The following GPD2 variants were observed in gnomAD, a reference collection of about 807,000 sequenced individuals.
GPD2 encodes the protein glycerol-3-phosphate dehydrogenase 2.
In GPD2, 54 loss-of-function variants were observed where a neutral mutation model predicts 82.4. That is an observed-to-expected ratio of 0.66 (90% CI 0.53 to 0.82). GPD2 has a LOEUF of 0.82. GPD2 is among the 40% of genes least tolerant of loss of function. GPD2 has a pLI of 0.00. For missense variants in GPD2, 748 were observed against 896.2 expected (o/e 0.83, Z 2.11); for synonymous variants, 288 against 306.1 (o/e 0.94, Z 0.62).
At chr2:156,559,721 C>A (rs1196042845) in intron 9 of GPD2, among the ~76,000 whole-genome samples, 3 of 152,122 alleles carry the variant, frequency 2.0e-5, no homozygotes, top group African/African-American at 7.2e-5. Context: ...ATAAAAGATA[C>A]TAAATACATA....
chr2:156,516,016 T>C (rs1481205778), intron 6 of GPD2, among the ~76,000 whole-genome samples: 1 of 152,194 alleles, frequency 6.6e-6, no homozygotes, highest in Admixed American at 6.5e-5. Flanking sequence ...AAATCCATGC[T>C]CAACAAAAGG....
chr2:156,453,084 A>G (rs903596142), intron 1 of GPD2, among the ~76,000 whole-genome samples: 2 of 152,200 alleles, frequency 1.3e-5, no homozygotes, highest in African/African-American at 4.8e-5. Flanking sequence ...TGGATTGCAC[A>G]TTAATGATTT....
chr2:156,417,992 G>A, the GPD2 span, among the ~76,000 whole-genome samples: 10 of 152,078 alleles, frequency 6.6e-5, no homozygotes, highest in Non-Finnish European at 1.2e-4. Context: ...CGAGGTGGGC[G>A]GATCACGAGG....
rs1199585707 is a variant in GPD2 at position 156,474,974 on chromosome 2, A to C, written c.-8-1124A>C. 2.6e-5 allele frequency among the ~76,000 whole-genome samples: 4 copies of C among 151,980 alleles called. No homozygotes were observed. The South Asian group carries it at 8.3e-4, about 32-fold the overall frequency. On this transcript the variant is annotated intron_variant, in intron 1 of 16. Coordinates refer to ENST00000438166, the MANE Select transcript of GPD2 (RefSeq NM_000408.5). The stretch of plus-strand genomic sequence containing the variant: ...AAAGAAGAAGAAAGAAAGAAAAAAA[A>C]ATAGCCATGCATGGCGGCATGCACT...
At chr2:156,543,501 A>T (rs1288057106) in intron 6 of GPD2, among the ~76,000 whole-genome samples, 1 of 152,226 alleles carries the variant, frequency 6.6e-6, no homozygotes, top group Non-Finnish European at 1.5e-5. Flanking sequence ...CTGGTACATT[A>T]CAAGTGATCA....
intron 1 of GPD2, among the ~76,000 whole-genome samples, chr2:156,468,217 G>T (rs1024223605): frequency 1.3e-5 from 2 of 152,136 alleles, no homozygotes; most frequent in Non-Finnish European, 2.9e-5. Context: ...GGTGCTGCTG[G>T]GAGGGAAGAG....
intron 1 of GPD2, among the ~76,000 whole-genome samples, chr2:156,439,714 G>A (rs957383246): frequency 7.3e-5 from 11 of 151,498 alleles, no homozygotes; most frequent in African/African-American, 2.2e-4. Context: ...GGGCATGATC[G>A]TGGGCACCTG....
intron 6 of GPD2, among the ~76,000 whole-genome samples, chr2:156,525,910 CCTT>C (rs2105296038): frequency 6.6e-6 from 1 of 152,276 alleles, no homozygotes; most frequent in Admixed American, 6.5e-5. Flanking sequence ...CCTATTCCCT[CCTT>C]CTTTAAAATT....
chr2:156,476,310 G>A, intron 2 of GPD2, 103 bp downstream of exon 2: 1 of 747,332 alleles, frequency 1.3e-6, no homozygotes, highest in Non-Finnish European at 2.5e-6. Flanking sequence ...GAAATTACTT[G>A]TGAAGTTTCT....
chr2:156,514,285 T>C (rs1407276006), intron 6 of GPD2, among the ~76,000 whole-genome samples: 1 of 151,896 alleles, frequency 6.6e-6, no homozygotes, highest in Non-Finnish European at 1.5e-5. Context: ...GTGTGTGAGA[T>C]TGGAATATAG....
At chr2:156,541,740 C>T (rs1242932393) in intron 6 of GPD2, among the ~76,000 whole-genome samples, 1 of 151,724 alleles carries the variant, frequency 6.6e-6, no homozygotes, top group Admixed American at 6.6e-5. Flanking sequence ...TGTCTTGCTT[C>T]CTGACTTTCC....
At chr2:156,400,540 T>A in the GPD2 span, among the ~76,000 whole-genome samples, 1 of 152,214 alleles carries the variant, frequency 6.6e-6, no homozygotes, top group Non-Finnish European at 1.5e-5. Context: ...CCAGCAGAAG[T>A]GCTCTGGAGT....
chr2:156,550,873 T>A, intron 8 of GPD2, 127 bp downstream of exon 8: 2 of 828,924 alleles, frequency 2.4e-6, no homozygotes, highest in Non-Finnish European at 2.0e-6. Context: ...GAGAAATAAG[T>A]AAAGGAACTC....
intron 6 of GPD2, among the ~76,000 whole-genome samples, chr2:156,532,886 TAA>T (rs1685920809): frequency 6.6e-6 from 1 of 152,192 alleles, no homozygotes; most frequent in African/African-American, 2.4e-5. Flanking sequence ...TTAGTTGCCA[TAA>T]AAGTTTTTCT....
the GPD2 span, among the ~76,000 whole-genome samples, chr2:156,408,532 T>C: frequency 6.6e-6 from 1 of 151,526 alleles, no homozygotes; most frequent in East Asian, 1.9e-4. Context: ...TTGAGACCAG[T>C]CTGGGCAACA....
At chr2:156,560,185 G>A (rs947357189) in intron 9 of GPD2, among the ~76,000 whole-genome samples, 1 of 152,176 alleles carries the variant, frequency 6.6e-6, no homozygotes, top group African/African-American at 2.4e-5. Flanking sequence ...GTTCCAGAAG[G>A]CTGCCGTGCC....
the GPD2 span, among the ~76,000 whole-genome samples, chr2:156,410,545 A>AT: frequency 1.3e-5 from 2 of 152,086 alleles, no homozygotes; most frequent in Non-Finnish European, 2.9e-5. Context: ...AGATTACCAT[A>AT]TTTTTTCTAG....
At chr2:156,468,931 C>G (rs1397098477) in intron 1 of GPD2, among the ~76,000 whole-genome samples, 2 of 152,128 alleles carry the variant, frequency 1.3e-5, no homozygotes, top group African/African-American at 4.8e-5. Context: ...TTCATTCTAA[C>G]TATGTTTTTA....
At chr2:156,530,058 T>C (rs1685787035) in intron 6 of GPD2, among the ~76,000 whole-genome samples, 1 of 150,130 alleles carries the variant, frequency 6.7e-6, no homozygotes, top group South Asian at 2.1e-4. Flanking sequence ...ATATTGATTC[T>C]TCCTACCCAT....
Sources: gnomAD v4.1 joint callset for allele counts (sites outside exome capture counted in the v4.1 genomes callset) on GRCh38, gnomAD v4.1.1 for gene constraint, MANE v1.5 for transcripts, NCBI Gene and HGNC (gene_info 2026-07-23, HGNC 2026-07-21) for gene names.